The following MYO5B variants were observed in gnomAD, a reference collection of about 807,000 sequenced individuals.
MYO5B encodes myosin VB.
Under a neutral mutation model 229.3 loss-of-function variants are expected in MYO5B, and 143 were observed. The observed-to-expected ratio is 0.62, with a 90% CI of 0.54 to 0.72. The LOEUF (loss-of-function observed/expected upper bound fraction) is 0.72, where lower values mean the gene tolerates loss of function less well. Among genes scored for constraint, MYO5B ranks in the 30% least tolerant of loss-of-function variants. The pLI is 0.00. For synonymous variants in MYO5B, 918 were observed against 885.2 expected, an observed-to-expected ratio of 1.04 and a Z score of -0.66; for missense variants, 2,321 against 2,331.0, an observed-to-expected ratio of 1.00 and a Z score of 0.09.
At chr18:49,877,927 C>T (rs2144103263) in intron 24 of MYO5B, 45 bp from the exon 25 acceptor site, 1 of 1,613,170 alleles carries the variant, frequency 6.2e-7, no homozygotes, top group Middle Eastern at 1.7e-4. Flanking sequence ...AACTAATGTT[C>T]ATGAGAATTT....
intron 1 of MYO5B, among the ~76,000 whole-genome samples, chr18:50,103,104 C>T (rs1301834329): frequency 6.6e-6 from 1 of 152,264 alleles, no homozygotes; most frequent in Non-Finnish European, 1.5e-5. Flanking sequence ...TACAGGCTCA[C>T]CTTGGGCTTC....
intron 21 of MYO5B, among the ~76,000 whole-genome samples, chr18:49,896,790 C>T (rs1477833532): frequency 6.6e-6 from 1 of 152,164 alleles, no homozygotes; most frequent in Non-Finnish European, 1.5e-5. Context: ...AGACCTGGCT[C>T]AGGGATGTCA....
chr18:49,929,728 A>C, intron 16 of MYO5B, 130 bp from the exon 17 acceptor site: 2 of 816,364 alleles, frequency 2.4e-6, no homozygotes, highest in Non-Finnish European at 4.0e-6. Flanking sequence ...ACAGCCACTG[A>C]GTTACCCTTG....
chr18:50,084,587 G>A (rs1366112787), intron 1 of MYO5B, among the ~76,000 whole-genome samples: 1 of 151,852 alleles, frequency 6.6e-6, no homozygotes, highest in Admixed American at 6.6e-5. Context: ...TTCTAGTTGG[G>A]AAGAGCCCGC....
rs10680505 is a variant in MYO5B, at chr18:49,974,798, G to GAC, written c.1057-185_1057-184dup. On this transcript the variant is annotated intron_variant, in intron 9 of 39. Coordinates refer to ENST00000285039, the MANE Select transcript of MYO5B (RefSeq NM_001080467.3). The stretch of plus-strand genomic sequence containing the variant: ...TCTCTCTCACACACACACACACACA[G>GAC]ACACACACACACACACACACACACA... Among the ~76,000 whole-genome samples, 456 of 131,092 alleles carry GAC rather than the reference G, an allele frequency of 3.5e-3. 12 individuals are homozygous for GAC. The highest frequency in any genetic ancestry group is 0.025 in the East Asian group (108 of 4,370). 86.0% of individuals were successfully genotyped at this position (131,092 alleles called of 152,430 possible).
intron 17 of MYO5B, among the ~76,000 whole-genome samples, chr18:49,913,850 C>T (rs1420965038): frequency 9.9e-5 from 15 of 151,938 alleles, no homozygotes; most frequent in Non-Finnish European, 2.2e-4. Flanking sequence ...AACAGCACGA[C>T]AGAAAGAGAG....
chr18:49,964,629 TAA>T (rs1391030555), intron 10 of MYO5B, among the ~76,000 whole-genome samples: 3 of 152,238 alleles, frequency 2.0e-5, no homozygotes, highest in Non-Finnish European at 4.4e-5. Flanking sequence ...CCTTGGAACA[TAA>T]AAAGTCTGAA....
At chr18:49,976,717 T>C (rs1037467322) in intron 9 of MYO5B, among the ~76,000 whole-genome samples, 7 of 152,194 alleles carry the variant, frequency 4.6e-5, no homozygotes, top group African/African-American at 1.7e-4. Flanking sequence ...CGGGTGGGTG[T>C]GGAGAAGCCC....
At chr18:49,836,989 A>G in intron 37 of MYO5B, 104 bp from the exon 38 acceptor site, 1 of 1,103,966 alleles carries the variant, frequency 9.1e-7, no homozygotes, top group Non-Finnish European at 1.3e-6. Context: ...TAGTGCCATT[A>G]TTTATCTCAC....
At chr18:49,961,236 G>A (rs1568048821) in intron 12 of MYO5B, among the ~76,000 whole-genome samples, 1 of 152,088 alleles carries the variant, frequency 6.6e-6, no homozygotes, top group Non-Finnish European at 1.5e-5. Context: ...CTCAGGTTAG[G>A]CAAGCCTGGA....
At chr18:50,058,968 G>T (rs1339542485) in intron 1 of MYO5B, among the ~76,000 whole-genome samples, 1 of 152,092 alleles carries the variant, frequency 6.6e-6, no homozygotes, top group African/African-American at 2.4e-5. Context: ...TCTCCTCACT[G>T]ATCACTTCCT....
chr18:50,012,221 T>TG (rs1303055754), intron 4 of MYO5B, among the ~76,000 whole-genome samples: 1 of 152,222 alleles, frequency 6.6e-6, no homozygotes. Flanking sequence ...TAAGAAGCAC[T>TG]GCTACAGACT....
chr18:50,038,850 G>C (rs1269152332), intron 3 of MYO5B, among the ~76,000 whole-genome samples: 1 of 152,146 alleles, frequency 6.6e-6, no homozygotes, highest in Non-Finnish European at 1.5e-5. Flanking sequence ...CCTTTTTGAA[G>C]TAAATATCTT....
chr18:50,014,683 G>A (rs1402483629), intron 4 of MYO5B, among the ~76,000 whole-genome samples: 4 of 152,206 alleles, frequency 2.6e-5, no homozygotes, highest in Admixed American at 2.6e-4. Flanking sequence ...AAAGGGGACA[G>A]CTGCTATTTT....
intron 1 of MYO5B, among the ~76,000 whole-genome samples, chr18:50,167,539 A>G (rs947243191): frequency 6.6e-6 from 1 of 152,240 alleles, no homozygotes; most frequent in Non-Finnish European, 1.5e-5. Flanking sequence ...CAGATGAAAA[A>G]TAAGTTATAA....
chr18:49,939,101 A>G (rs576439645), intron 14 of MYO5B, among the ~76,000 whole-genome samples: 8 of 136,310 alleles, frequency 5.9e-5, no homozygotes, highest in Non-Finnish European at 9.8e-5. Flanking sequence ...ATCTAGTTTT[A>G]TTACTTTTAC....
intron 30 of MYO5B, among the ~76,000 whole-genome samples, chr18:49,853,967 C>T (rs923908865): frequency 5.9e-5 from 9 of 152,208 alleles, no homozygotes; most frequent in Non-Finnish European, 1.3e-4. Context: ...TCAAAATGTC[C>T]ATCAACAGAA....
At chr18:49,917,306 C>T (rs1365657208) in intron 17 of MYO5B, among the ~76,000 whole-genome samples, 3 of 152,314 alleles carry the variant, frequency 2.0e-5, no homozygotes, top group South Asian at 4.2e-4. Context: ...CCATTCAACA[C>T]GTTAAACCTT....
At chr18:50,003,259 G>A (rs907636733) in intron 4 of MYO5B, among the ~76,000 whole-genome samples, 3 of 151,928 alleles carry the variant, frequency 2.0e-5, no homozygotes, top group South Asian at 2.1e-4. Context: ...AGACAAAACC[G>A]AAAAAAATGT....
Sources: allele counts gnomAD v4.1 joint callset (sites outside exome capture counted in the v4.1 genomes callset), GRCh38; gene constraint gnomAD v4.1.1; transcripts MANE v1.5; gene names NCBI Gene and HGNC (gene_info 2026-07-23, HGNC 2026-07-21).